The following KMT2A variants were observed in gnomAD, a reference collection of about 807,000 sequenced individuals.
The protein encoded by KMT2A is lysine methyltransferase 2A.
A neutral mutation model predicts 345.3 loss-of-function variants in KMT2A; 16 were observed. The observed-to-expected ratio is 0.05, with a 90% CI of 0.03 to 0.07. The LOEUF is 0.07. Among genes scored for constraint, KMT2A ranks in the 10% least tolerant of loss-of-function variants. KMT2A has a pLI of 1.00. For synonymous variants in KMT2A, 1,599 were observed against 1,778.6 expected (o/e 0.90, Z 2.54); for missense variants, 3,272 against 4,841.6 (o/e 0.68, Z 9.62).
chr11:118,473,956 C>T lies in KMT2A; in HGVS notation c.2797C>T (p.Arg933Trp), dbSNP rs782407414. ...ATCTTCTGCCAAAAAAGCAACAGGG[C>T]GGAAGAAGTCTTCATCACATGATTC... The part of the protein sequence containing the change: ...TSSSAKKATG[R>W]KKSSSHDSGT... The change falls in exon 3 of 36, where the codon CGG (arginine) becomes TGG (tryptophan). Residue 933 changes from arginine to tryptophan, a missense_variant. Transcript: ENST00000534358. This position sits in a 1 kb window ranked among gnomAD's most constrained non-coding sequence, Gnocchi z 5.2. The T allele has an allele frequency of 2.0e-5, 32 of 1,613,724 alleles. No individual in the cohort carries two copies. The highest frequency in any genetic ancestry group is 4.0e-5 in the African/African-American group (3 of 74,832).
chr11:118,504,360 T>C lies in KMT2A; in HGVS notation c.8468T>C (p.Leu2823Ser). 1 of 1,614,174 alleles carries C rather than the reference T, an allele frequency of 6.2e-7. No homozygotes were observed. Among genetic ancestry groups the C allele is most frequent in the African/African-American group, 1.3e-5 (1 of 75,036 alleles). Reference protein sequence around the residue: ...VHTSTPSDKNLLDTYNTELLK... With the variant: ...VHTSTPSDKNSLDTYNTELLK... ...ACAAGTACCCCCTCCGACAAAAATT[T>C]ACTGGACACCTATAATACTGAGCTC... The change falls in exon 27 of 36, where the codon TTA (leucine) becomes TCA (serine). Residue 2823 changes from leucine (L) to serine (S), a missense_variant. Physicochemically the swap from Leu to Ser is moderately radical, Grantham distance 145. Around this residue, in one of 27 missense-constraint regions of KMT2A, gnomAD observed 100 missense variants for 101.3 expected, o/e 0.99. Coordinates refer to ENST00000534358, the MANE Select transcript of KMT2A (RefSeq NM_001197104.2). This position sits in a 1 kb window ranked among gnomAD's most constrained non-coding sequence, Gnocchi z 6.4.
In KMT2A at chr11:118,485,057, G is replaced by C. The variant is rs547790601; in HGVS notation, c.4332+82G>C. 182 of 867,676 alleles carry C rather than the reference G, an allele frequency of 2.1e-4. 1 individual carries two copies. In the African/African-American group the frequency reaches 2.9e-3, roughly 14 times the overall value. 53.7% of individuals were successfully genotyped at this position (867,676 alleles called of 1,614,324 possible). On this transcript the variant is annotated intron_variant, in intron 10 of 35. Coordinates refer to ENST00000534358, the MANE Select transcript of KMT2A (RefSeq NM_001197104.2). The stretch of plus-strand genomic sequence containing the variant: ...TGAAATTACTATAGTCTGTTTTGTT[G>C]GTATTTAGCAGGTACTATTCCCTGT...
At chr11:118,482,772 AG>A (rs1950158170) in intron 8 of KMT2A, among the ~76,000 whole-genome samples, 1 of 150,992 alleles carries the variant, frequency 6.6e-6, no homozygotes, top group Non-Finnish European at 1.5e-5. Context: ...AAAAAGAAGA[AG>A]AAGAAGAAGT....
At chr11:118,515,439 G>A (rs1271646005) in intron 31 of KMT2A, among the ~76,000 whole-genome samples, 1 of 152,146 alleles carries the variant, frequency 6.6e-6, no homozygotes, top group African/African-American at 2.4e-5. Flanking sequence ...CCAGAGGTAG[G>A]GACAGACGTG....
chr11:118,503,859 G>T lies in KMT2A; in HGVS notation c.7967G>T (p.Gly2656Val). The T allele has an allele frequency of 6.2e-7, 1 of 1,614,178 alleles. No homozygotes were observed. Among genetic ancestry groups the T allele is most frequent in the South Asian group, 1.1e-5 (1 of 91,078 alleles). Residue 2656 changes from glycine (G) to valine (V), a missense_variant, in exon 27 of 36, where the codon GGG becomes GTG. By Grantham distance (109) the Gly-to-Val change is moderately radical. Transcript: ENST00000534358. This position sits in a 1 kb window ranked among gnomAD's most constrained non-coding sequence, Gnocchi z 5.3. ...EDIPFYSSST[G>V]KKRGKRSAEG... is the part of the protein sequence containing the mutation. ...ATTCCATTCTACAGCAGCTCAACTG[G>T]GAAGAAGCGAGGCAAGAGATCAGCT...
Position 118,521,048 on chromosome 11 carries a change from A to G in KMT2A, c.11513+163A>G. 1 of 660,242 alleles carries G rather than the reference A, an allele frequency of 1.5e-6. No homozygotes were observed. Among genetic ancestry groups the G allele is most frequent in the Non-Finnish European group, 2.7e-6 (1 of 373,698 alleles). 40.9% of individuals were successfully genotyped at this position (660,242 alleles called of 1,614,324 possible). A position where few individuals can be genotyped will look rare whatever the true frequency, so the allele number is the denominator to read the frequency against. ...GGGATCCTGCACCTCCTTGTGTTGA[A>G]CAAGGACTTTAACATAATAAGCATT... On this transcript the variant is annotated intron_variant, in intron 34 of 35. Coordinates refer to ENST00000534358, the MANE Select transcript of KMT2A (RefSeq NM_001197104.2). This position sits in a 1 kb window ranked among gnomAD's most constrained non-coding sequence, Gnocchi z 5.3.
intron 6 of KMT2A, 122 bp downstream of exon 6, chr11:118,480,360 T>C (rs782134872): frequency 6.6e-5 from 44 of 671,130 alleles, no homozygotes; most frequent in Non-Finnish European, 1.0e-4. Flanking sequence ...GGGAGTAGAT[T>C]GTTGAAGCTA....
chr11:118,516,351 G>A (rs951304524), intron 31 of KMT2A, among the ~76,000 whole-genome samples: 1 of 152,174 alleles, frequency 6.6e-6, no homozygotes, highest in Non-Finnish European at 1.5e-5. Flanking sequence ...TAAAGCGAAA[G>A]TCCTCGAGGC....
rs782040203 is a variant in KMT2A, at chr11:118,439,925, C to CTT, written c.432+2995_432+2996dup. On this transcript the variant is annotated intron_variant, in intron 1 of 35. Coordinates refer to ENST00000534358, the MANE Select transcript of KMT2A (RefSeq NM_001197104.2). ...GTAGTTTTCAGTGTAGAAGCAAGCA[C>CTT]TTTTTTTTTTTTTTTAACATAGCCT... Among the ~76,000 whole-genome samples the CTT allele has an allele frequency of 4.2e-3, 587 of 139,922 alleles. 6 individuals carry two copies. The highest frequency in any genetic ancestry group is 0.015 in the African/African-American group (561 of 38,122). 91.8% of individuals were successfully genotyped at this position (139,922 alleles called of 152,430 possible).
In KMT2A at chr11:118,491,453, AAGC is replaced by A. The variant is rs1436167527; in HGVS notation, c.4819+140_4819+142del. 1.6e-5 allele frequency: 14 copies of A among 859,068 alleles called. No homozygotes were observed. In the African/African-American group the frequency reaches 2.1e-4, roughly 13 times the overall value. 53.2% of individuals were successfully genotyped at this position (859,068 alleles called of 1,614,324 possible). On this transcript the variant is annotated intron_variant, in intron 14 of 35. Coordinates refer to ENST00000534358, the MANE Select transcript of KMT2A (RefSeq NM_001197104.2). The surrounding 1 kb of genome is among the most constrained non-coding windows in gnomAD (Gnocchi z 4.2). ...AAATTTATTTTTTAGTCTCTAGAAT[AAGC>A]AGCATTGTATTATTTGTGCTCACTT...
Position 118,498,323 on chromosome 11 carries a change from A to C in KMT2A, c.5803-47A>C, listed in dbSNP as rs1591274784. On this transcript the variant is annotated intron_variant, in intron 21 of 35. Transcript: ENST00000534358. The surrounding 1 kb of genome is among the most constrained non-coding windows in gnomAD (Gnocchi z 4.4). ...TATAGAGGAGACGGTAAACGTCTTA[A>C]AACATATGAAAGTCTGAATAGGACT... 1.9e-6 allele frequency: 3 copies of C among 1,559,722 alleles called. No homozygotes were observed. The highest frequency in any genetic ancestry group is 2.6e-6 in the Non-Finnish European group (3 of 1,152,248).
At chr11:118,437,303 A>G (rs1555138975) in intron 1 of KMT2A, among the ~76,000 whole-genome samples, 1 of 150,832 alleles carries the variant, frequency 6.6e-6, no homozygotes, top group African/African-American at 2.4e-5. Context: ...CCTCCCTCCT[A>G]GAGACCTGAT....
At chr11:118,462,448 T>A (rs1332278397) in intron 1 of KMT2A, among the ~76,000 whole-genome samples, 4 of 152,220 alleles carry the variant, frequency 2.6e-5, no homozygotes, top group African/African-American at 9.6e-5. Flanking sequence ...CCGGATTATT[T>A]AAACAATGGG....
Position 118,489,836 on chromosome 11 carries a change from G to A in KMT2A, c.4524G>A (p.Glu1508=). Residue 1508 remains glutamate (E), a synonymous_variant, in exon 12 of 36, where the codon GAG becomes GAA. Transcript: ENST00000534358. ...AGTGCCGAAACAGCTATCACCCTGA[G>A]TGCCTGGGACCAAACTACCCCACCA... The part of the protein sequence containing the change: ...CNKCRNSYHP[E]CLGPNYPTKP... 6.2e-7 allele frequency: 1 copy of A among 1,614,166 alleles called. No homozygotes were observed. The highest frequency in any genetic ancestry group is 8.5e-7 in the Non-Finnish European group (1 of 1,180,026).
Position 118,496,428 on chromosome 11 carries a change from T to C in KMT2A, c.5664+61T>C, listed in dbSNP as rs1456651584. The C allele has an allele frequency of 8.5e-7, 1 of 1,178,942 alleles. No homozygotes were observed. Among genetic ancestry groups the C allele is most frequent in the African/African-American group, 1.5e-5 (1 of 66,382 alleles). The allele number at this position is 1,178,942 out of a possible 1,614,324, so 73.0% of individuals were successfully genotyped here. ...ATACTCCAAAAGAACTGTTTGTCCT[T>C]GTGTCCATACTTGATGACTGGGTGC... On this transcript the variant is annotated intron_variant, in intron 20 of 35. Transcript: ENST00000534358. The surrounding 1 kb of genome is among the most constrained non-coding windows in gnomAD (Gnocchi z 4.7).
At chr11:118,450,573 T>C (rs1949514910) in intron 1 of KMT2A, 1 of 152,204 alleles carries the variant, frequency 6.6e-6, no homozygotes, top group African/African-American at 2.4e-5. Context: ...GTGGGTGAAA[T>C]TTTTACCTTC....
chr11:118,525,403 G>A lies in KMT2A; in HGVS notation c.*3231G>A. 4.4e-6 allele frequency: 1 copy of A among 227,290 alleles called. No individual in the cohort carries two copies. The highest frequency in any genetic ancestry group is 8.7e-6 in the Non-Finnish European group (1 of 114,392). 14.1% of individuals were successfully genotyped at this position (227,290 alleles called of 1,614,324 possible). Reference sequence around the variant, plus strand: ...CCTTTGGCCGGAACTTGGTCTCTTGGCTCCCTCCTTGGCCACCCACCACCT... The same window carrying A: ...CCTTTGGCCGGAACTTGGTCTCTTGACTCCCTCCTTGGCCACCCACCACCT... On this transcript the variant is annotated 3_prime_UTR_variant, in exon 36 of 36. Coordinates refer to ENST00000534358, the MANE Select transcript of KMT2A (RefSeq NM_001197104.2).
chr11:118,471,489 T>G (rs188940970), intron 2 of KMT2A, among the ~76,000 whole-genome samples, 173 bp from the exon 3 acceptor site: 1 of 152,368 alleles, frequency 6.6e-6, no homozygotes, highest in Admixed American at 6.5e-5. Flanking sequence ...CTGACTTCTT[T>G]GAGGCAAATT....
chr11:118,461,396 A>G (rs150026749), intron 1 of KMT2A, among the ~76,000 whole-genome samples: 2 of 152,236 alleles, frequency 1.3e-5, no homozygotes, highest in African/African-American at 4.8e-5. Flanking sequence ...GTGACATTAC[A>G]TAGCTTAATT....
Sources: allele counts gnomAD v4.1 joint callset (sites outside exome capture counted in the v4.1 genomes callset), GRCh38; gene constraint gnomAD v4.1.1; regional missense constraint gnomAD v4.1.1; non-coding constraint Gnocchi (gnomAD v3.1); transcripts MANE v1.5; gene names NCBI Gene and HGNC (gene_info 2026-07-23, HGNC 2026-07-21).